The following CLNK variants were observed in gnomAD, a reference collection of about 807,000 sequenced individuals.
CLNK encodes the protein cytokine dependent hematopoietic cell linker, also known as cytokine-dependent hematopoietic cell linker.
Under a neutral mutation model 68.6 loss-of-function variants are expected in CLNK, and 74 were observed. The ratio of observed to expected loss-of-function variants is 1.08; its 90% confidence interval spans 0.89 to 1.31. CLNK has a LOEUF of 1.31. Among genes scored for constraint, CLNK ranks in the 50% most tolerant of loss-of-function variants. The probability of loss-of-function intolerance (pLI) is 0.00; values close to 1 mark genes in which losing one functional copy is unlikely to be tolerated. For synonymous variants in CLNK, 198 were observed against 172.2 expected (o/e 1.15, Z -1.17); for missense variants, 553 against 515.3 (o/e 1.07, Z -0.71).
intron 2 of CLNK, among the ~76,000 whole-genome samples, chr4:10,659,167 C>CTA (rs1470772709): frequency 6.6e-6 from 1 of 152,178 alleles, no homozygotes; most frequent in African/African-American, 2.4e-5. Flanking sequence ...TGCTACTGCA[C>CTA]TACAGCCTGG....
intron 3 of CLNK, among the ~76,000 whole-genome samples, chr4:10,596,357 G>A (rs1422297937): frequency 6.6e-6 from 1 of 152,172 alleles, no homozygotes; most frequent in Non-Finnish European, 1.5e-5. Flanking sequence ...AGGAGGTGTT[G>A]GAATGGAAAA....
At chr4:10,591,519 T>C (rs1399635513) in intron 3 of CLNK, among the ~76,000 whole-genome samples, 2 of 152,134 alleles carry the variant, frequency 1.3e-5, no homozygotes, top group Non-Finnish European at 1.5e-5. Context: ...AGTGAGTGAA[T>C]GTGTGAGTGA....
the CLNK span, among the ~76,000 whole-genome samples, chr4:10,697,836 G>T: frequency 6.6e-6 from 1 of 152,138 alleles, no homozygotes; most frequent in Non-Finnish European, 1.5e-5. Flanking sequence ...TAGCCACCTT[G>T]CCTTTGCTTT....
intron 8 of CLNK, among the ~76,000 whole-genome samples, chr4:10,546,185 A>C (rs188618469): frequency 6.6e-6 from 1 of 152,114 alleles, no homozygotes; most frequent in African/African-American, 2.4e-5. Flanking sequence ...TCCTCTGAAG[A>C]CTTTTTCTCT....
chr4:10,594,996 C>A (rs889834511), intron 3 of CLNK, among the ~76,000 whole-genome samples: 46 of 152,074 alleles, frequency 3.0e-4, no homozygotes, highest in African/African-American at 1.1e-3. Context: ...GGCTGGGGGG[C>A]TGAGGCAGGA....
intron 7 of CLNK, among the ~76,000 whole-genome samples, chr4:10,559,418 T>C (rs562185152): frequency 2.0e-5 from 3 of 152,254 alleles, no homozygotes; most frequent in African/African-American, 7.2e-5. Flanking sequence ...TATTGACTTC[T>C]TCATTACACC....
chr4:10,560,811 G>A (rs1179131584), intron 7 of CLNK, among the ~76,000 whole-genome samples: 1 of 152,136 alleles, frequency 6.6e-6, no homozygotes, highest in Non-Finnish European at 1.5e-5. Flanking sequence ...TCAACTCCTA[G>A]GAATGAGATT....
At chr4:10,543,277 C>A (rs1719107652) in intron 8 of CLNK, among the ~76,000 whole-genome samples, 1 of 152,160 alleles carries the variant, frequency 6.6e-6, no homozygotes, top group Non-Finnish European at 1.5e-5. Flanking sequence ...CTTGGAAAAG[C>A]AATGTTTGAT....
chr4:10,624,078 C>T (rs1188172953), intron 2 of CLNK, among the ~76,000 whole-genome samples: 1 of 152,188 alleles, frequency 6.6e-6, no homozygotes, highest in Non-Finnish European at 1.5e-5. Context: ...TCAGTTTCCC[C>T]ATCTCTAGGT....
chr4:10,519,186 G>A (rs1217822390), intron 15 of CLNK, among the ~76,000 whole-genome samples: 1 of 152,180 alleles, frequency 6.6e-6, no homozygotes, highest in African/African-American at 2.4e-5. Context: ...GAGATGAGCT[G>A]AGAGGAACCT....
intron 13 of CLNK, among the ~76,000 whole-genome samples, chr4:10,526,313 G>A (rs1006867424): frequency 6.6e-6 from 1 of 152,110 alleles, no homozygotes; most frequent in African/African-American, 2.4e-5. Context: ...TATGGGACAA[G>A]TACTCTGCCA....
At chr4:10,724,986 C>T in the CLNK span, among the ~76,000 whole-genome samples, 116,452 of 151,850 alleles carry the variant, frequency 0.77, 44,879 homozygotes, top group Admixed American at 0.83. Context: ...GGGAAGAGGG[C>T]GGAGTCACGG....
At chr4:10,662,050 C>T (rs1310584728) in intron 2 of CLNK, among the ~76,000 whole-genome samples, 1 of 152,138 alleles carries the variant, frequency 6.6e-6, no homozygotes, top group Non-Finnish European at 1.5e-5. Flanking sequence ...AAGAAAAGAA[C>T]TGCTAGGTTA....
At chr4:10,657,312 C>CTTG (rs1159690740) in intron 2 of CLNK, among the ~76,000 whole-genome samples, 1 of 152,090 alleles carries the variant, frequency 6.6e-6, no homozygotes, top group Non-Finnish European at 1.5e-5. Flanking sequence ...ATAGTTTTTG[C>CTTG]TTGTTAGGGG....
rs1716365192 is a variant in CLNK, at chr4:10,486,577, T to A, written c.*3890A>T. On this transcript the variant is annotated 3_prime_UTR_variant, in exon 19 of 19. Coordinates refer to ENST00000226951, the MANE Select transcript of CLNK (RefSeq NM_052964.4). ...GTACACACATACATAATTGGCTACA[T>A]TCGACAATGGGGTTCATTTGATTCC... 6.6e-6 allele frequency: 1 copy of A among 152,110 alleles called. No homozygotes were observed. Among genetic ancestry groups the A allele is most frequent in the South Asian group, 2.1e-4 (1 of 4,822 alleles). The allele number at this position is 152,110 out of a possible 1,614,324, so 9.4% of individuals were successfully genotyped here. A position where few individuals can be genotyped will look rare whatever the true frequency, so the allele number is the denominator to read the frequency against.
intron 4 of CLNK, among the ~76,000 whole-genome samples, chr4:10,579,598 AGTTTTT>A (rs1720702548): frequency 6.6e-6 from 1 of 152,186 alleles, no homozygotes; most frequent in Admixed American, 6.5e-5. Context: ...GTCCTTGGAA[AGTTTTT>A]GTTTCTTTTA....
chr4:10,542,055 G>C lies in CLNK; in HGVS notation c.472-14C>G. 1 of 1,588,408 alleles carries C rather than the reference G, an allele frequency of 6.3e-7. No homozygotes were observed. The highest frequency in any genetic ancestry group is 8.6e-7 in the Non-Finnish European group (1 of 1,168,348). ...TGGTAAAGGAATCTGAAAAAGAAAA[G>C]AGAAACCTAAATTAAGTTTATTGTT... On this transcript the variant is annotated splice_polypyrimidine_tract_variant and intron_variant, in intron 9 of 18. Coordinates refer to ENST00000226951, the MANE Select transcript of CLNK (RefSeq NM_052964.4).
At chr4:10,535,957 C>T (rs1718745859) in intron 11 of CLNK, among the ~76,000 whole-genome samples, 1 of 152,188 alleles carries the variant, frequency 6.6e-6, no homozygotes, top group Admixed American at 6.5e-5. Context: ...AAGTTCTCTT[C>T]TGGTTTTGAG....
intron 2 of CLNK, among the ~76,000 whole-genome samples, chr4:10,625,586 A>G (rs1226503597): frequency 2.0e-5 from 3 of 152,202 alleles, no homozygotes; most frequent in African/African-American, 7.2e-5. Context: ...AGATACAGAG[A>G]GACAGGGTCA....
Sources: gnomAD v4.1 joint callset for allele counts (sites outside exome capture counted in the v4.1 genomes callset) on GRCh38, gnomAD v4.1.1 for gene constraint, MANE v1.5 for transcripts, NCBI Gene and HGNC (gene_info 2026-07-23, HGNC 2026-07-21) for gene names.